Variants in NCOR1 observed in about 807,000 individuals in gnomAD.
NCOR1 encodes the protein protein phosphatase 1, regulatory subunit 109.
Under a neutral mutation model 288.1 loss-of-function variants are expected in NCOR1, and 63 were observed. That is an observed-to-expected ratio of 0.22 (90% CI 0.18 to 0.27). The LOEUF (loss-of-function observed/expected upper bound fraction) is 0.27. Among genes scored for constraint, NCOR1 ranks in the 10% least tolerant of loss-of-function variants. NCOR1 has a pLI of 1.00. For missense variants in NCOR1, 2,397 were observed against 3,019.2 expected, an observed-to-expected ratio of 0.79 and a Z score of 4.83; for synonymous variants, 1,007 against 1,065.9, an observed-to-expected ratio of 0.94 and a Z score of 1.08.
chr17:16,185,387 A>T (rs536228896), intron 3 of NCOR1, among the ~76,000 whole-genome samples: 2 of 146,454 alleles, frequency 1.4e-5, no homozygotes, highest in South Asian at 2.1e-4. Context: ...CACACAATTT[A>T]AAAAAAAAAA....
chr17:16,032,570 G>T, intron 45 of NCOR1, 87 bp from the exon 46 acceptor site: 1 of 1,299,604 alleles, frequency 7.7e-7, no homozygotes. Flanking sequence ...AGTAGAATAG[G>T]ATTATTGTAA....
intron 21 of NCOR1, among the ~76,000 whole-genome samples, chr17:16,092,656 TA>T (rs2065399323): frequency 1.0e-4 from 1 of 9,540 alleles, no homozygotes; most frequent in Non-Finnish European, 1.7e-4. Context: ...TTTATATATA[TA>T]TATATATATA....
At chr17:16,061,961 T>C (rs2060589346) in intron 36 of NCOR1, 67 bp from the exon 37 acceptor site, 1 of 1,565,000 alleles carries the variant, frequency 6.4e-7, no homozygotes, top group Admixed American at 2.0e-5. Context: ...GGTGGGGAGA[T>C]GGAAGGACAA....
intron 29 of NCOR1, 89 bp downstream of exon 29, chr17:16,072,056 A>G: frequency 9.8e-7 from 1 of 1,025,404 alleles, no homozygotes; most frequent in Non-Finnish European, 1.4e-6. Flanking sequence ...AAATAACTTG[A>G]AAAGCAGAAA....
In NCOR1 at chr17:16,192,364, A is replaced by C. The variant is rs560237713; in HGVS notation, c.108+2098T>G. Reference sequence around the variant, plus strand: ...ACTTGTCCCTACTAAAAATACAAAAAATTAGCTGGGGCCGGGCACAGTGGC... The same window carrying C: ...ACTTGTCCCTACTAAAAATACAAAACATTAGCTGGGGCCGGGCACAGTGGC... On this transcript the variant is annotated intron_variant, in intron 2 of 45. Coordinates refer to ENST00000268712, the MANE Select transcript of NCOR1 (RefSeq NM_006311.4). Among the ~76,000 whole-genome samples, 4 of 152,268 alleles carry C rather than the reference A, an allele frequency of 2.6e-5. No homozygotes were observed. In the South Asian group the frequency reaches 6.2e-4, roughly 24 times the overall value.
Position 16,080,593 on chromosome 17 carries a change from A to C in NCOR1, c.3298+14T>G. 1 of 1,614,170 alleles carries C rather than the reference A, an allele frequency of 6.2e-7. No homozygotes were observed. The highest frequency in any genetic ancestry group is 8.5e-7 in the Non-Finnish European group (1 of 1,180,010). On this transcript the variant is annotated intron_variant, in intron 24 of 45. Transcript: ENST00000268712. The stretch of plus-strand genomic sequence containing the variant: ...ACAAACGTAGATGCATTATGACTGT[A>C]TTAACTCACTGACCTGATTTGGCAG...
At chr17:16,178,365 G>T (rs2084663959) in intron 3 of NCOR1, among the ~76,000 whole-genome samples, 1 of 151,636 alleles carries the variant, frequency 6.6e-6, no homozygotes, top group African/African-American at 2.4e-5. Flanking sequence ...CGGGCATGGT[G>T]GCATGAGCCT....
intron 1 of NCOR1, among the ~76,000 whole-genome samples, chr17:16,213,526 G>GGCC (rs907300986): frequency 9.6e-5 from 14 of 146,524 alleles, no homozygotes; most frequent in African/African-American, 3.5e-4. Context: ...ATCAGCGAAG[G>GGCC]GCCTATCCTG....
At chr17:16,080,117 AC>A in intron 25 of NCOR1, 53 bp from the exon 26 acceptor site, 1 of 1,429,430 alleles carries the variant, frequency 7.0e-7, no homozygotes. Flanking sequence ...CTGCCCCAAA[AC>A]ATAAAAAAAC....
chr17:16,200,359 T>C (rs1281658836), intron 1 of NCOR1, among the ~76,000 whole-genome samples: 2 of 151,800 alleles, frequency 1.3e-5, no homozygotes, highest in Admixed American at 1.3e-4. Flanking sequence ...TAGCCGGACA[T>C]GGTGGTGCAC....
chr17:16,136,896 G>A (rs982066216), intron 14 of NCOR1, among the ~76,000 whole-genome samples: 2 of 151,680 alleles, frequency 1.3e-5, no homozygotes, highest in Non-Finnish European at 2.9e-5. Context: ...CAGGTTCCAG[G>A]TTTTTGTAAA....
intron 22 of NCOR1, among the ~76,000 whole-genome samples, chr17:16,090,772 A>AT (rs2065040091): frequency 6.6e-6 from 1 of 152,218 alleles, no homozygotes. Flanking sequence ...TAGGCAACTA[A>AT]TAACTCAATA....
intron 2 of NCOR1, among the ~76,000 whole-genome samples, chr17:16,192,874 A>C (rs2088810334): frequency 6.6e-6 from 1 of 152,244 alleles, no homozygotes; most frequent in African/African-American, 2.4e-5. Context: ...AAAGGAATGA[A>C]CTAAGACATG....
intron 4 of NCOR1, among the ~76,000 whole-genome samples, chr17:16,166,774 AT>A (rs901238642): frequency 5.3e-5 from 8 of 152,038 alleles, no homozygotes; most frequent in African/African-American, 1.2e-4. Context: ...AAAAAAAAAA[AT>A]ACAAGAAAAT....
intron 3 of NCOR1, among the ~76,000 whole-genome samples, chr17:16,176,082 G>A (rs1309605403): frequency 2.0e-5 from 3 of 151,934 alleles, no homozygotes; most frequent in African/African-American, 7.2e-5. Context: ...AGCCAGGTAT[G>A]GGGGCACATG....
intron 42 of NCOR1, among the ~76,000 whole-genome samples, chr17:16,041,660 C>A (rs1035631510): frequency 3.9e-5 from 6 of 151,950 alleles, no homozygotes; most frequent in Non-Finnish European, 8.8e-5. Context: ...GGTGATCTAC[C>A]CACCTCAGCC....
At chr17:16,179,378 T>C (rs1217992909) in intron 3 of NCOR1, among the ~76,000 whole-genome samples, 1 of 152,076 alleles carries the variant, frequency 6.6e-6, no homozygotes, top group Non-Finnish European at 1.5e-5. Flanking sequence ...AGGAAATGGA[T>C]AAATTCCTAG....
Position 16,029,412 on chromosome 17 carries a change from C to T in NCOR1, c.*2884G>A. On this transcript the variant is annotated 3_prime_UTR_variant, in exon 46 of 46. Coordinates refer to ENST00000268712, the MANE Select transcript of NCOR1 (RefSeq NM_006311.4). ...TAAAATTTTTTAACTGTCCAATGGT[C>T]ACTGGAGTTTTCTGGGCATAAATAT... 1 of 300,954 alleles carries T rather than the reference C, an allele frequency of 3.3e-6. No individual in the cohort carries two copies. The highest frequency in any genetic ancestry group is 6.6e-6 in the Non-Finnish European group (1 of 152,388). The allele number at this position is 300,954 out of a possible 1,614,324, so 18.6% of individuals were successfully genotyped here.
chr17:16,134,692 C>T (rs1324911699), intron 14 of NCOR1, among the ~76,000 whole-genome samples: 1 of 152,148 alleles, frequency 6.6e-6, no homozygotes, highest in African/African-American at 2.4e-5. Context: ...GAGCTCTCTC[C>T]TCTATCATCA....
Sources: gnomAD v4.1 joint callset for allele counts (sites outside exome capture counted in the v4.1 genomes callset) on GRCh38, gnomAD v4.1.1 for gene constraint, MANE v1.5 for transcripts, NCBI Gene and HGNC (gene_info 2026-07-23, HGNC 2026-07-21) for gene names.